BNC2: variants seen among roughly 807,000 people sequenced by gnomAD.
BNC2 encodes the protein zinc finger protein basonuclin-2.
In BNC2, 20 loss-of-function variants were observed where a neutral mutation model predicts 76.3. The observed-to-expected ratio is 0.26, with a 90% CI of 0.18 to 0.38. The LOEUF is 0.38. Ranked by LOEUF, BNC2 falls within the 10% of genes least tolerant of loss-of-function variation. The pLI, the probability that BNC2 is intolerant of heterozygous loss-of-function variation, is 1.00. For synonymous variants in BNC2, 582 were observed against 514.8 expected, an observed-to-expected ratio of 1.13 and a Z score of -1.77; for missense variants, 1,382 against 1,399.8, an observed-to-expected ratio of 0.99 and a Z score of 0.20.
intron 1 of BNC2, among the ~76,000 whole-genome samples, chr9:16,846,139 CAA>C (rs35798416): frequency 0.18 from 19,712 of 109,582 alleles, 1,804 homozygotes; most frequent in East Asian, 0.53. Context: ...GACACCGTCT[CAA>C]AAAAAAAAAA....
intron 1 of BNC2, among the ~76,000 whole-genome samples, chr9:16,738,808 C>A (rs1824756328): frequency 6.7e-6 from 1 of 148,490 alleles, no homozygotes; most frequent in Non-Finnish European, 1.5e-5. Flanking sequence ...ATACTAATCA[C>A]CCCCACCCCC....
rs1214278369 is a variant in BNC2, at chr9:16,532,537, C to T, written c.669+19993G>A. On this transcript the variant is annotated intron_variant, in intron 5 of 6. Transcript: ENST00000380672. ...GTGCAGTAGTGTGCTAGGGCTGGCT[C>T]ATGCCAGCCTATGAGAGCTGATTGC... 2.6e-5 allele frequency among the ~76,000 whole-genome samples: 4 copies of T among 152,172 alleles called. No homozygotes were observed. The East Asian group carries it at 7.7e-4, about 29-fold the overall frequency.
At chr9:16,599,521 C>T (rs866014435) in intron 3 of BNC2, among the ~76,000 whole-genome samples, 2 of 152,164 alleles carry the variant, frequency 1.3e-5, no homozygotes, top group Admixed American at 6.5e-5. Flanking sequence ...CAGTGGCTCA[C>T]GCCTGTAATC....
At chr9:16,448,919 C>G (rs1821283337) in intron 5 of BNC2, among the ~76,000 whole-genome samples, 1 of 152,098 alleles carries the variant, frequency 6.6e-6, no homozygotes, top group African/African-American at 2.4e-5. Flanking sequence ...AATTATAAAT[C>G]CACATATGCA....
intron 5 of BNC2, among the ~76,000 whole-genome samples, chr9:16,488,796 A>C (rs539092598): frequency 6.6e-6 from 1 of 152,330 alleles, no homozygotes. Context: ...ACAGTCTTAA[A>C]AGGTGATGGC....
chr9:16,763,309 C>T (rs1004284529), intron 1 of BNC2, among the ~76,000 whole-genome samples: 1 of 152,116 alleles, frequency 6.6e-6, no homozygotes, highest in Non-Finnish European at 1.5e-5. Context: ...GTGGCTCACA[C>T]GTATATTCCC....
intron 5 of BNC2, among the ~76,000 whole-genome samples, chr9:16,514,712 G>A (rs1822838164): frequency 6.6e-6 from 1 of 152,126 alleles, no homozygotes; most frequent in South Asian, 2.1e-4. Flanking sequence ...TTCTTCTAAG[G>A]AGTCTTAATT....
intron 1 of BNC2, among the ~76,000 whole-genome samples, chr9:16,855,789 C>G (rs958000400): frequency 1.3e-5 from 2 of 151,834 alleles, no homozygotes; most frequent in Non-Finnish European, 2.9e-5. Flanking sequence ...ACCCCATGAT[C>G]TGCCTGCCTC....
chr9:16,653,047 C>A (rs188744606), intron 3 of BNC2, among the ~76,000 whole-genome samples: 2 of 152,118 alleles, frequency 1.3e-5, no homozygotes, highest in African/African-American at 4.8e-5. Context: ...TAGATGATCT[C>A]CAAATTACAA....
intron 4 of BNC2, among the ~76,000 whole-genome samples, chr9:16,557,886 G>A (rs1177323482): frequency 1.3e-5 from 2 of 151,346 alleles, no homozygotes; most frequent in African/African-American, 2.4e-5. Flanking sequence ...TTTGAGACAG[G>A]TTCTAACTCT....
chr9:16,847,534 T>C (rs1819018765), intron 1 of BNC2, among the ~76,000 whole-genome samples: 1 of 152,020 alleles, frequency 6.6e-6, no homozygotes, highest in African/African-American at 2.4e-5. Context: ...TTAGGAAATT[T>C]TGAAGTGCTA....
chr9:16,729,039 T>A (rs1028111205), intron 2 of BNC2, among the ~76,000 whole-genome samples: 1 of 152,214 alleles, frequency 6.6e-6, no homozygotes, highest in African/African-American at 2.4e-5. Flanking sequence ...CATTTTTTAT[T>A]CAAGATCTCT....
intron 4 of BNC2, among the ~76,000 whole-genome samples, chr9:16,581,146 G>T (rs778919260): frequency 7.9e-5 from 12 of 152,178 alleles, no homozygotes; most frequent in Non-Finnish European, 1.5e-4. Context: ...TACTACCTCA[G>T]AATGTGACTA....
chr9:16,593,857 TACCAGAAC>T, intron 3 of BNC2, among the ~76,000 whole-genome samples: 1 of 152,266 alleles, frequency 6.6e-6, no homozygotes, highest in East Asian at 1.9e-4. Context: ...AGTCTATATT[TACCAGAAC>T]ACCTAACTTT....
chr9:16,814,951 T>C (rs1446910127), intron 1 of BNC2, among the ~76,000 whole-genome samples: 3 of 152,136 alleles, frequency 2.0e-5, no homozygotes, highest in African/African-American at 7.2e-5. Context: ...CTTCAGATGA[T>C]TATCTCTAAC....
At chr9:16,633,960 A>C (rs1821241447) in intron 3 of BNC2, among the ~76,000 whole-genome samples, 2 of 152,178 alleles carry the variant, frequency 1.3e-5, no homozygotes, top group African/African-American at 4.8e-5. Flanking sequence ...GCTATTTAGC[A>C]AAAGATAAAA....
At position 16,435,611 on chromosome 9, in the gene BNC2, G is replaced by A. The variant is rs753320673; in HGVS notation, c.2583C>T (p.His861=). 21 of 1,614,150 alleles carry A rather than the reference G, an allele frequency of 1.3e-5. No individual in the cohort carries two copies. Among genetic ancestry groups the A allele is most frequent in the Middle Eastern group, 1.7e-4 (1 of 6,058 alleles). Reference sequence around the variant, plus strand: ...CATTGCAACCAGCCACTGTGCAGACGTGCATCTCTTTCAAGTGAACGTTCC... The same window carrying A: ...CATTGCAACCAGCCACTGTGCAGACATGCATCTCTTTCAAGTGAACGTTCC... ...HYRNVHLKEM[H]VCTVAGCNAA... The change falls in exon 6 of 7, where the codon CAC becomes CAT. Residue 861 remains histidine, a synonymous_variant. Coordinates refer to ENST00000380672, the MANE Select transcript of BNC2 (RefSeq NM_017637.6).
chr9:16,677,487 T>C (rs938307433), intron 3 of BNC2, among the ~76,000 whole-genome samples: 2 of 151,746 alleles, frequency 1.3e-5, no homozygotes, highest in African/African-American at 4.8e-5. Flanking sequence ...GCAGGAGAAT[T>C]GCTTGGACCT....
rs555880974 is a variant in BNC2, at chr9:16,662,094, A to C, written c.330+65703T>G. ...CCAGTTTGGTTAACCATTCAAAAGG[A>C]AATTTCTACTCAAGCTGTTAAACTC... On this transcript the variant is annotated intron_variant, in intron 3 of 6. Coordinates refer to ENST00000380672, the MANE Select transcript of BNC2 (RefSeq NM_017637.6). Among the ~76,000 whole-genome samples, 11 of 152,358 alleles carry C rather than the reference A, an allele frequency of 7.2e-5. No homozygotes were observed. The South Asian group carries it at 2.3e-3, about 32-fold the overall frequency.
Sources: allele counts gnomAD v4.1 joint callset (sites outside exome capture counted in the v4.1 genomes callset), GRCh38; gene constraint gnomAD v4.1.1; transcripts MANE v1.5; gene names NCBI Gene and HGNC (gene_info 2026-07-23, HGNC 2026-07-21).